Variants in SPAG4 observed in about 807,000 individuals in gnomAD.
SPAG4 encodes sperm-associated antigen 4 protein.
Under a neutral mutation model 53.9 loss-of-function variants are expected in SPAG4, and 54 were observed. That is an observed-to-expected ratio of 1.00 (90% CI 0.80 to 1.26). The LOEUF (loss-of-function observed/expected upper bound fraction) is 1.26. Among genes scored for constraint, SPAG4 ranks in the 50% most tolerant of loss-of-function variants. The pLI is 0.00. For missense variants in SPAG4, 548 were observed against 568.6 expected (o/e 0.96, Z 0.37); for synonymous variants, 246 against 237.4 (o/e 1.04, Z -0.33).
chr20:35,617,724 G>A, intron 3 of SPAG4, 55 bp from the exon 4 acceptor site: 1 of 1,582,426 alleles, frequency 6.3e-7, no homozygotes, highest in Non-Finnish European at 8.7e-7. Context: ...GGACCCTGGG[G>A]TGGGGACTGG....
At chr20:35,617,426 C>G in intron 2 of SPAG4, 94 bp from the exon 3 acceptor site, 1 of 1,182,366 alleles carries the variant, frequency 8.5e-7, no homozygotes, top group Non-Finnish European at 1.2e-6. Context: ...ACCCCCGGCC[C>G]CTCCCAAGCC....
intron 3 of SPAG4, 68 bp downstream of exon 3, chr20:35,617,654 C>A (rs1244152154): frequency 6.3e-7 from 1 of 1,585,498 alleles, no homozygotes; most frequent in Non-Finnish European, 8.7e-7. Context: ...GGGCCGGAAC[C>A]TTGCTGGCGC....
intron 5 of SPAG4, 30 bp from the exon 6 acceptor site, chr20:35,618,420 G>T (rs1195519539): frequency 1.2e-6 from 2 of 1,613,774 alleles, no homozygotes; most frequent in Admixed American, 1.7e-5. Context: ...GGAGCTGAGC[G>T]GCTCTGTGTT....
chr20:35,618,725 GC>G lies in SPAG4; in HGVS notation c.717+9del. The G allele has an allele frequency of 6.4e-7, 1 of 1,571,740 alleles. No individual in the cohort carries two copies. The stretch of plus-strand genomic sequence containing the variant: ...GTTCGGGCAGCCAACAGCGAGGTGA[GC>G]CCCGGCCCACCTTGGAAACCCCTGA... On this transcript the variant is annotated splice_donor_region_variant and intron_variant, in intron 7 of 11. Coordinates refer to ENST00000374273, the MANE Select transcript of SPAG4 (RefSeq NM_003116.3).
intron 11 of SPAG4, 30 bp from the exon 12 acceptor site, chr20:35,620,846 G>A: frequency 6.2e-7 from 1 of 1,613,240 alleles, no homozygotes; most frequent in South Asian, 1.1e-5. Context: ...GAGGAGGGCA[G>A]CCCTTGGCAT....
intron 9 of SPAG4, 67 bp downstream of exon 9, chr20:35,619,377 C>A: frequency 6.7e-7 from 1 of 1,500,402 alleles, no homozygotes; most frequent in Non-Finnish European, 9.3e-7. Context: ...AAAACCCCGC[C>A]CTACAGGCGG....
At position 35,619,340 on chromosome 20, in the gene SPAG4, C is replaced by T. The variant is rs371314770; in HGVS notation, c.909+30C>T. 3 of 1,588,408 alleles carry T rather than the reference C, an allele frequency of 1.9e-6. No homozygotes were observed. The African/African-American group carries it at 4.0e-5, about 21-fold the overall frequency. ...GTCTGGAAACATCCCGGGATGGGACCCCGGGCGGGACGCTGGGAAAAGCAC... is the reference window on the plus strand; with the variant it reads ...GTCTGGAAACATCCCGGGATGGGACTCCGGGCGGGACGCTGGGAAAAGCAC... On this transcript the variant is annotated intron_variant, in intron 9 of 11. Transcript: ENST00000374273.
chr20:35,616,055 C>A lies in SPAG4; in HGVS notation c.52C>A (p.Pro18Thr), dbSNP rs746484079. The change falls in exon 1 of 12, where the codon CCC (proline) becomes ACC (threonine). Residue 18 changes from proline to threonine, a missense_variant. Coordinates refer to ENST00000374273, the MANE Select transcript of SPAG4 (RefSeq NM_003116.3). ...GSASSSRKHT[P>T]NFFSENSSMS... ...GGCCTCGTCCTCGCGCAAGCACACG[C>A]CCAACTTTTTCAGCGAGAACAGCTC... 1.2e-6 allele frequency: 2 copies of A among 1,612,776 alleles called. No individual in the cohort carries two copies. The highest frequency in any genetic ancestry group is 1.7e-6 in the Non-Finnish European group (2 of 1,179,682).
chr20:35,617,326 TTGAG>T, intron 2 of SPAG4, 86 bp downstream of exon 2: 1 of 1,037,556 alleles, frequency 9.6e-7, no homozygotes, highest in Non-Finnish European at 1.5e-6. Context: ...CGGCCCCCGT[TTGAG>T]TATCGAGCCC....
At chr20:35,617,427 C>T (rs779802141) in intron 2 of SPAG4, 93 bp from the exon 3 acceptor site, 63 of 1,221,714 alleles carry the variant, frequency 5.2e-5, no homozygotes, top group Non-Finnish European at 6.9e-5. Context: ...CCCCCGGCCC[C>T]TCCCAAGCCC....
chr20:35,616,391 A>C (rs765501440), intron 1 of SPAG4, 84 bp downstream of exon 1: 59 of 1,415,064 alleles, frequency 4.2e-5, no homozygotes, highest in Non-Finnish European at 5.4e-5. Context: ...GGCTAAGATG[A>C]TATCTGGGCA....
At chr20:35,618,570 G>T (rs1323485664) in intron 6 of SPAG4, 42 bp from the exon 7 acceptor site, 7 of 1,597,922 alleles carry the variant, frequency 4.4e-6, no homozygotes, top group South Asian at 3.4e-5. Context: ...GTGTCCAGGG[G>T]GACAGGGAGC....
rs748762553 is a variant in SPAG4 at position 35,617,800 on chromosome 20, C to T, written c.498C>T (p.Phe166=). 3 of 1,614,074 alleles carry T rather than the reference C, an allele frequency of 1.9e-6. No individual in the cohort carries two copies. Among genetic ancestry groups the T allele is most frequent in the East Asian group, 2.2e-5 (1 of 44,858 alleles). The change falls in exon 4 of 12, where the codon TTC becomes TTT. Residue 166 remains phenylalanine (F), a synonymous_variant. Transcript: ENST00000374273. ...CCAGGGAGGTCTGTTCCATCCGCTTCCTGTTCACGGCTGTGTCGCTGCTGA... is the reference window on the plus strand; with the variant it reads ...CCAGGGAGGTCTGTTCCATCCGCTTTCTGTTCACGGCTGTGTCGCTGCTGA... The part of the protein sequence containing the change: ...SMYREVCSIR[F]LFTAVSLLSL...
chr20:35,618,145 C>T lies in SPAG4; in HGVS notation c.582+15C>T. The T allele has an allele frequency of 6.2e-7, 1 of 1,612,806 alleles. No homozygotes were observed. Among genetic ancestry groups the T allele is most frequent in the Non-Finnish European group, 8.5e-7 (1 of 1,179,302 alleles). On this transcript the variant is annotated intron_variant, in intron 5 of 11. Coordinates refer to ENST00000374273, the MANE Select transcript of SPAG4 (RefSeq NM_003116.3). ...CTTTGGAGAATGTGAGTTGGGGAGA[C>T]TGTCTTGGGGTAGGGGGTTGGCAGG...
At chr20:35,617,349 G>T in intron 2 of SPAG4, 109 bp downstream of exon 2, 10 of 952,092 alleles carry the variant, frequency 1.1e-5, no homozygotes, top group Non-Finnish European at 1.6e-5. Context: ...CCCTCTCCGA[G>T]CCTCAACTCA....
chr20:35,617,754 C>A (rs1215879715), intron 3 of SPAG4, 25 bp from the exon 4 acceptor site: 1 of 1,611,558 alleles, frequency 6.2e-7, no homozygotes, highest in Non-Finnish European at 8.5e-7. Flanking sequence ...CAGGTCGGGG[C>A]CTCAGCCTCC....
chr20:35,617,543 GTGT>G lies in SPAG4; in HGVS notation c.438_440del (p.Leu147del), dbSNP rs757984043. On this transcript the variant is annotated inframe_deletion, in exon 3 of 12. Transcript: ENST00000374273. ...AGGCCTGCTCTTCCAGGGGCTGAGC[GTGT>G]TGTTATCCCTGGCAGGAGACGTGCT... is the stretch of plus-strand genomic sequence containing the variant. The G allele has an allele frequency of 1.2e-6, 2 of 1,602,354 alleles. No homozygotes were observed. Among genetic ancestry groups the G allele is most frequent in the East Asian group, 2.2e-5 (1 of 44,580 alleles).
chr20:35,619,456 T>C, intron 9 of SPAG4, 123 bp from the exon 10 acceptor site: 1 of 1,408,922 alleles, frequency 7.1e-7, no homozygotes, highest in Non-Finnish European at 9.9e-7. Flanking sequence ...TGCTGGGGAC[T>C]GGGGCGGGCT....
chr20:35,617,715 G>A (rs1344085600), intron 3 of SPAG4, 64 bp from the exon 4 acceptor site: 1 of 1,576,562 alleles, frequency 6.3e-7, no homozygotes, highest in Admixed American at 1.7e-5. Flanking sequence ...CTGGGTCTAG[G>A]ACCCTGGGGT....
Sources: gnomAD v4.1 joint callset for allele counts on GRCh38, gnomAD v4.1.1 for gene constraint, MANE v1.5 for transcripts, NCBI Gene and HGNC (gene_info 2026-07-23, HGNC 2026-07-21) for gene names.